The following FNDC3A variants were observed in gnomAD, a reference collection of about 807,000 sequenced individuals.
FNDC3A encodes fibronectin type III domain containing 3A.
Under a neutral mutation model 148.9 loss-of-function variants are expected in FNDC3A, and 32 were observed. The ratio of observed to expected loss-of-function variants is 0.21; its 90% CI spans 0.16 to 0.29. FNDC3A has a LOEUF of 0.29. FNDC3A is among the 10% of genes least tolerant of loss of function. The probability of loss-of-function intolerance (pLI) is 1.00; values close to 1 mark genes in which losing one functional copy is unlikely to be tolerated. For synonymous variants in FNDC3A, 472 were observed against 473.6 expected (o/e 1.00, Z 0.04); for missense variants, 1,191 against 1,452.8 (o/e 0.82, Z 2.93).
At chr13:49,137,215 C>T (rs933878676) in intron 6 of FNDC3A, among the ~76,000 whole-genome samples, 1 of 152,182 alleles carries the variant, frequency 6.6e-6, no homozygotes, top group African/African-American at 2.4e-5. Context: ...TCTATATACT[C>T]TGTAATTAGG....
At chr13:49,048,081 G>C (rs1205716337) in intron 2 of FNDC3A, among the ~76,000 whole-genome samples, 1 of 151,996 alleles carries the variant, frequency 6.6e-6, no homozygotes. Context: ...ATTTTTGTTT[G>C]CTTTCTTGAA....
intron 1 of FNDC3A, among the ~76,000 whole-genome samples, chr13:49,004,756 T>A (rs1045138020): frequency 6.6e-6 from 1 of 152,136 alleles, no homozygotes; most frequent in African/African-American, 2.4e-5. Flanking sequence ...CAGTGGTTTT[T>A]ATTTTTTTTA....
chr13:48,994,594 A>G (rs1473799953), intron 1 of FNDC3A, among the ~76,000 whole-genome samples: 2 of 152,192 alleles, frequency 1.3e-5, no homozygotes, highest in Non-Finnish European at 2.9e-5. Context: ...CCTGGCCAAC[A>G]TGGTGAAACC....
chr13:49,013,635 T>TAC (rs1319477384), intron 2 of FNDC3A, among the ~76,000 whole-genome samples: 2 of 150,834 alleles, frequency 1.3e-5, no homozygotes, highest in Admixed American at 6.6e-5. Flanking sequence ...TATACATGTA[T>TAC]ACATGTACAT....
intron 8 of FNDC3A, among the ~76,000 whole-genome samples, chr13:49,149,274 G>C (rs924351844): frequency 7.9e-5 from 12 of 151,446 alleles, no homozygotes; most frequent in Middle Eastern, 3.4e-3. Context: ...TCCTTGTCTT[G>C]TTCGAGTTCT....
intron 8 of FNDC3A, among the ~76,000 whole-genome samples, chr13:49,161,432 T>C (rs1303961788): frequency 6.6e-6 from 1 of 152,170 alleles, no homozygotes; most frequent in East Asian, 1.9e-4. Flanking sequence ...CCCTGCTTTT[T>C]TTTGTTTTCC....
chr13:49,074,040 T>A (rs749633552), intron 2 of FNDC3A, among the ~76,000 whole-genome samples: 9 of 152,004 alleles, frequency 5.9e-5, no homozygotes, highest in Non-Finnish European at 1.2e-4. Context: ...GGTGTTCTCA[T>A]AGACTATGAG....
chr13:49,079,180 G>T (rs1008804575), intron 3 of FNDC3A, among the ~76,000 whole-genome samples: 1 of 152,140 alleles, frequency 6.6e-6, no homozygotes, highest in Non-Finnish European at 1.5e-5. Context: ...TTTTTCTACT[G>T]TATAGCATAC....
chr13:49,084,659 G>C (rs549282213), intron 3 of FNDC3A, among the ~76,000 whole-genome samples: 2 of 151,934 alleles, frequency 1.3e-5, no homozygotes, highest in Non-Finnish European at 2.9e-5. Flanking sequence ...CATACCTCAC[G>C]CTGCTTGGGG....
At chr13:49,170,086 A>G (rs921294379) in intron 10 of FNDC3A, among the ~76,000 whole-genome samples, 4 of 152,184 alleles carry the variant, frequency 2.6e-5, no homozygotes, top group Non-Finnish European at 4.4e-5. Context: ...ACATCCCTAT[A>G]TAAGATGTAG....
intron 2 of FNDC3A, among the ~76,000 whole-genome samples, chr13:49,007,564 G>A (rs959939213): frequency 1.3e-4 from 20 of 152,114 alleles, no homozygotes; most frequent in African/African-American, 4.6e-4. Flanking sequence ...GTTAATTACA[G>A]TACATTGATA....
chr13:49,094,520 T>A (rs1044355160), intron 3 of FNDC3A, among the ~76,000 whole-genome samples: 4 of 152,118 alleles, frequency 2.6e-5, no homozygotes, highest in Admixed American at 6.6e-5. Flanking sequence ...TGGGGGTTGC[T>A]TTTTAAACCC....
chr13:49,184,870 A>G (rs7999767), intron 14 of FNDC3A, among the ~76,000 whole-genome samples: 149,217 of 151,694 alleles, frequency 0.98, 73,418 homozygotes, highest in South Asian at 1. Flanking sequence ...TCATTGTGGC[A>G]CCTAGATAAG....
At chr13:49,159,255 T>A (rs1593680824) in intron 8 of FNDC3A, among the ~76,000 whole-genome samples, 1 of 152,244 alleles carries the variant, frequency 6.6e-6, no homozygotes, top group Non-Finnish European at 1.5e-5. Context: ...TCCATGAGCA[T>A]GGAATGTTCT....
At chr13:49,043,992 A>G (rs1308583277) in intron 2 of FNDC3A, 2 of 152,286 alleles carry the variant, frequency 1.3e-5, no homozygotes, top group African/African-American at 4.8e-5. Context: ...GTTTACCAGA[A>G]AAGCATATTA....
chr13:49,153,030 A>G (rs1883415015), intron 8 of FNDC3A, among the ~76,000 whole-genome samples: 1 of 151,514 alleles, frequency 6.6e-6, no homozygotes, highest in African/African-American at 2.4e-5. Context: ...TTGGGTATAT[A>G]CCCAGTAATG....
chr13:48,981,629 G>T (rs1951696031), intron 1 of FNDC3A, among the ~76,000 whole-genome samples: 1 of 152,052 alleles, frequency 6.6e-6, no homozygotes, highest in Admixed American at 6.5e-5. Context: ...TGCCAGATAT[G>T]TGGTGGTATT....
At chr13:49,204,779 G>T (rs1050528692) in intron 25 of FNDC3A, among the ~76,000 whole-genome samples, 2 of 152,088 alleles carry the variant, frequency 1.3e-5, no homozygotes, top group Non-Finnish European at 2.9e-5. Flanking sequence ...CTTCAGTCCT[G>T]TATTTACAGT....
chr13:49,023,420 C>T (rs966949314), intron 2 of FNDC3A, among the ~76,000 whole-genome samples: 5 of 151,264 alleles, frequency 3.3e-5, no homozygotes, highest in Non-Finnish European at 7.4e-5. Context: ...TATTTTGTAG[C>T]GTTTTTATAC....
Sources: gnomAD v4.1 joint callset for allele counts (sites outside exome capture counted in the v4.1 genomes callset) on GRCh38, gnomAD v4.1.1 for gene constraint, MANE v1.5 for transcripts, NCBI Gene and HGNC (gene_info 2026-07-23, HGNC 2026-07-21) for gene names.